Variants in TSHR observed in about 807,000 individuals in gnomAD.
TSHR encodes thyrotropin receptor.
In TSHR, 51 loss-of-function variants were observed where a neutral mutation model predicts 64.1. That is an observed-to-expected ratio of 0.80 (90% CI 0.64 to 1.01). The LOEUF is 1.01. Ranked by LOEUF, TSHR falls within the 50% of genes least tolerant of loss-of-function variation. The probability of loss-of-function intolerance (pLI) is 0.00; values close to 1 mark genes in which losing one functional copy is unlikely to be tolerated. For missense variants in TSHR, 877 were observed against 942.8 expected, an observed-to-expected ratio of 0.93 and a Z score of 0.91; for synonymous variants, 361 against 361.9, an observed-to-expected ratio of 1.00 and a Z score of 0.03.
intron 1 of TSHR, chr14:81,032,895 C>T (rs927214035): frequency 5.6e-6 from 2 of 358,118 alleles, no homozygotes; most frequent in South Asian, 5.6e-5. Context: ...ACTAGAAAGG[C>T]CTGGACGAAA....
chr14:81,028,594 G>A (rs1398276077), intron 1 of TSHR, among the ~76,000 whole-genome samples: 1 of 152,032 alleles, frequency 6.6e-6, no homozygotes, highest in Non-Finnish European at 1.5e-5. Context: ...CCTCTAATTG[G>A]ATTACGGTAA....
intron 1 of TSHR, among the ~76,000 whole-genome samples, chr14:81,055,802 G>T (rs1337568385): frequency 6.6e-6 from 1 of 152,148 alleles, no homozygotes; most frequent in African/African-American, 2.4e-5. Flanking sequence ...TAACTAGCTT[G>T]CTTTTGATTT....
chr14:81,113,923 G>C (rs934326523), intron 8 of TSHR, among the ~76,000 whole-genome samples: 1 of 152,092 alleles, frequency 6.6e-6, no homozygotes, highest in Non-Finnish European at 1.5e-5. Flanking sequence ...CTGTTAAAAT[G>C]TCATCACCAA....
At chr14:81,031,757 C>T (rs74899619) in intron 1 of TSHR, among the ~76,000 whole-genome samples, 13,164 of 152,216 alleles carry the variant, frequency 0.086, 671 homozygotes, top group South Asian at 0.18. Flanking sequence ...CAAACTCTAG[C>T]AGCCTAGGTC....
intron 1 of TSHR, among the ~76,000 whole-genome samples, chr14:80,966,243 A>G (rs1015987428): frequency 2.6e-5 from 4 of 152,170 alleles, no homozygotes; most frequent in African/African-American, 9.7e-5. Flanking sequence ...ACTTTTAGGA[A>G]AGGGCTCTGT....
intron 1 of TSHR, among the ~76,000 whole-genome samples, chr14:81,041,202 T>C (rs1220294272): frequency 6.6e-6 from 1 of 152,112 alleles, no homozygotes. Context: ...ATTATTCTCT[T>C]ATAAAGACAT....
intron 1 of TSHR, among the ~76,000 whole-genome samples, chr14:80,965,660 C>A (rs1190076499): frequency 1.3e-5 from 2 of 152,304 alleles, no homozygotes; most frequent in South Asian, 2.1e-4. Flanking sequence ...TAAGAATGAG[C>A]AAAATGGTCC....
At chr14:81,133,393 G>A (rs1340536334) in intron 8 of TSHR, among the ~76,000 whole-genome samples, 1 of 152,180 alleles carries the variant, frequency 6.6e-6, no homozygotes, top group East Asian at 1.9e-4. Flanking sequence ...AGAGACTGCT[G>A]CCTTGCTCTG....
In TSHR at chr14:81,144,028, G is replaced by C; in HGVS notation, c.1970G>C (p.Ser657Thr). 6.2e-7 allele frequency: 1 copy of C among 1,614,096 alleles called. No individual in the cohort carries two copies. Among genetic ancestry groups the C allele is most frequent in the East Asian group, 2.2e-5 (1 of 44,874 alleles). The stretch of plus-strand genomic sequence containing the variant: ...CTGAACAAGCCTCTCATCACTGTTA[G>C]CAACTCCAAAATCTTGCTGGTACTC... The part of the protein sequence containing the change: ...AILNKPLITV[S>T]NSKILLVLFY... The change falls in exon 10 of 10, where the codon AGC becomes ACC. Residue 657 changes from serine (S) to threonine (T), a missense_variant. Transcript: ENST00000298171.
At chr14:80,982,949 C>A in intron 1 of TSHR, 1 of 531,438 alleles carries the variant, frequency 1.9e-6, no homozygotes, top group Non-Finnish European at 3.4e-6. Flanking sequence ...TATGTGGACT[C>A]TGAGGAATTT....
chr14:81,059,726 C>CTA lies in TSHR; in HGVS notation c.171-2414_171-2413dup, dbSNP rs1886093020. ...TCTGAGACACATAATCCTTATTGGT[C>CTA]TATATATATTGGTGAGCTTTCTTTG... is the stretch of plus-strand genomic sequence containing the variant. On this transcript the variant is annotated intron_variant, in intron 1 of 9. Coordinates refer to ENST00000298171, the MANE Select transcript of TSHR (RefSeq NM_000369.5). Among the ~76,000 whole-genome samples, 5 of 151,998 alleles carry CTA rather than the reference C, an allele frequency of 3.3e-5. No homozygotes were observed. The South Asian group carries it at 1.0e-3, about 32-fold the overall frequency.
At chr14:80,982,671 C>T (rs1888233818) in intron 1 of TSHR, 1 of 1,083,878 alleles carries the variant, frequency 9.2e-7, no homozygotes, top group South Asian at 2.7e-5. Context: ...CCTGCTGTAA[C>T]TCCAGCAGTA....
intron 1 of TSHR, among the ~76,000 whole-genome samples, chr14:80,961,043 G>T (rs1351959126): frequency 6.6e-6 from 1 of 152,246 alleles, no homozygotes; most frequent in Admixed American, 6.5e-5. Flanking sequence ...GCTGGAGGTA[G>T]GAAGAGAAAG....
rs1595176095 is a variant in TSHR, at chr14:81,142,450, C to T, written c.882-490C>T. ...CAGAAGAGAAATAAGACCAATGCCA[C>T]TGGAGCACAGTAGGGGAGGGGAGGT... On this transcript the variant is annotated intron_variant, in intron 9 of 9. Coordinates refer to ENST00000298171, the MANE Select transcript of TSHR (RefSeq NM_000369.5). Among the ~76,000 whole-genome samples, 3 of 152,012 alleles carry T rather than the reference C, an allele frequency of 2.0e-5. No homozygotes were observed. The South Asian group carries it at 6.2e-4, about 32-fold the overall frequency.
chr14:80,969,995 A>G (rs1887513959), intron 1 of TSHR, among the ~76,000 whole-genome samples: 1 of 152,238 alleles, frequency 6.6e-6, no homozygotes, highest in Admixed American at 6.5e-5. Flanking sequence ...AATGATTGCT[A>G]TAATGCTCAC....
At chr14:81,040,854 G>A (rs1466374172) in intron 1 of TSHR, among the ~76,000 whole-genome samples, 3 of 151,958 alleles carry the variant, frequency 2.0e-5, no homozygotes, top group African/African-American at 4.8e-5. Context: ...AGTGGGCAAA[G>A]GACATGGACA....
rs528487616 is a variant in TSHR, at chr14:81,087,314, C to T, written c.318-640C>T. Among the ~76,000 whole-genome samples, 23 of 152,154 alleles carry T rather than the reference C, an allele frequency of 1.5e-4. No individual in the cohort carries two copies. The South Asian group carries it at 4.8e-3, about 32-fold the overall frequency. ...AGTGAGAGTTCATTTCTAGCAGTTA[C>T]TTATTTCTCTAATGCTAACTGTGCA... is the stretch of plus-strand genomic sequence containing the variant. On this transcript the variant is annotated intron_variant, in intron 3 of 9. Coordinates refer to ENST00000298171, the MANE Select transcript of TSHR (RefSeq NM_000369.5).
At chr14:81,102,927 A>T (rs1566815337) in intron 7 of TSHR, 20 of 985,166 alleles carry the variant, frequency 2.0e-5, no homozygotes, top group Admixed American at 6.2e-5. Flanking sequence ...TAGAAAACAA[A>T]TTTTTTTAAT....
intron 1 of TSHR, among the ~76,000 whole-genome samples, chr14:80,966,822 GC>G (rs1037686012): frequency 6.6e-6 from 1 of 152,138 alleles, no homozygotes; most frequent in African/African-American, 2.4e-5. Context: ...AGATGAGGGT[GC>G]CGGCAGATCT....
Sources: gnomAD v4.1 joint callset for allele counts (sites outside exome capture counted in the v4.1 genomes callset) on GRCh38, gnomAD v4.1.1 for gene constraint, MANE v1.5 for transcripts, NCBI Gene and HGNC (gene_info 2026-07-23, HGNC 2026-07-21) for gene names.